Variants in TXNRD2 observed in about 807,000 individuals in gnomAD.
TXNRD2 encodes thioredoxin reductase 2, mitochondrial.
A neutral mutation model predicts 70.8 loss-of-function variants in TXNRD2; 67 were observed. That is an observed-to-expected ratio of 0.95 (90% CI 0.78 to 1.16). The LOEUF is 1.16. Ranked by LOEUF, TXNRD2 falls within the 50% of genes most tolerant of loss-of-function variation. TXNRD2 has a pLI of 0.00. For synonymous variants in TXNRD2, 301 were observed against 295.8 expected, an observed-to-expected ratio of 1.02 and a Z score of -0.18; for missense variants, 644 against 719.9, an observed-to-expected ratio of 0.89 and a Z score of 1.21.
intron 11 of TXNRD2, chr22:19,887,240 G>A (rs574516470): frequency 6.6e-6 from 1 of 152,316 alleles, no homozygotes; most frequent in South Asian, 2.1e-4. Flanking sequence ...AAACGACAAG[G>A]GCATTAAAAT....
chr22:19,900,651 G>A (rs1413530111), intron 8 of TXNRD2, among the ~76,000 whole-genome samples: 2 of 151,982 alleles, frequency 1.3e-5, no homozygotes, highest in Non-Finnish European at 2.9e-5. Context: ...TGGGGAGGCC[G>A]AGACAGGAGA....
chr22:19,933,775 C>T (rs1222020761), intron 1 of TXNRD2, among the ~76,000 whole-genome samples: 1 of 152,200 alleles, frequency 6.6e-6, no homozygotes, highest in Non-Finnish European at 1.5e-5. Flanking sequence ...GGCTGGGTGG[C>T]AGGCGTTACC....
At chr22:19,916,210 A>G (rs4819850) in intron 5 of TXNRD2, 196,821 of 310,690 alleles carry the variant, frequency 0.63, 64,315 homozygotes, top group East Asian at 0.92. Context: ...TGTGGTGCCC[A>G]CCAGATGGTG....
intron 17 of TXNRD2, chr22:19,876,131 G>A (rs1938496259): frequency 6.6e-6 from 1 of 152,420 alleles, no homozygotes; most frequent in African/African-American, 2.4e-5. Context: ...CGGTGAAGCA[G>A]GGGGCCCTGA....
chr22:19,879,325 T>A (rs1938648894), intron 14 of TXNRD2, among the ~76,000 whole-genome samples: 2 of 152,096 alleles, frequency 1.3e-5, no homozygotes, highest in Non-Finnish European at 2.9e-5. Flanking sequence ...TCTGGGTGCC[T>A]GCAAGCTGCA....
intron 11 of TXNRD2, 101 bp downstream of exon 11, chr22:19,895,306 C>G (rs1232945834): frequency 1.3e-6 from 2 of 1,598,454 alleles, no homozygotes; most frequent in Non-Finnish European, 1.7e-6. Context: ...TGGCAGCCAG[C>G]AGGATGGGGG....
At chr22:19,890,068 G>T (rs984640802) in intron 11 of TXNRD2, among the ~76,000 whole-genome samples, 1 of 152,194 alleles carries the variant, frequency 6.6e-6, no homozygotes, top group Non-Finnish European at 1.5e-5. Flanking sequence ...CAAGCCAAGC[G>T]TGGGGCACCA....
At chr22:19,883,277 G>C (rs1938865168) in intron 12 of TXNRD2, 48 bp downstream of exon 12, 1 of 1,604,372 alleles carries the variant, frequency 6.2e-7, no homozygotes, top group African/African-American at 1.3e-5. Flanking sequence ...AGCAGGGGTG[G>C]TGGAGCAGGC....
chr22:19,914,690 G>T (rs1343308864), intron 7 of TXNRD2, among the ~76,000 whole-genome samples: 1 of 152,160 alleles, frequency 6.6e-6, no homozygotes, highest in Non-Finnish European at 1.5e-5. Flanking sequence ...TTCAGTTCAG[G>T]GATGATGGAA....
intron 5 of TXNRD2, 198 bp from the exon 6 acceptor site, chr22:19,916,041 G>A: frequency 3.4e-6 from 2 of 579,850 alleles, no homozygotes. Flanking sequence ...CTGTCCCCCA[G>A]GGATCCCAGG....
intron 2 of TXNRD2, among the ~76,000 whole-genome samples, chr22:19,922,753 C>G (rs1645549616): frequency 6.6e-6 from 1 of 152,102 alleles, no homozygotes. Flanking sequence ...GTGGCGTGAT[C>G]TTGGCTCACT....
intron 12 of TXNRD2, chr22:19,881,409 C>T (rs1048768403): frequency 7.1e-5 from 17 of 241,106 alleles, no homozygotes; most frequent in African/African-American, 2.5e-4. Flanking sequence ...CGGCGGGCGG[C>T]GCACAGCACA....
chr22:19,916,780 A>C (rs996294885), intron 5 of TXNRD2, among the ~76,000 whole-genome samples: 3 of 147,476 alleles, frequency 2.0e-5, no homozygotes, highest in Non-Finnish European at 1.5e-5. Flanking sequence ...AGTTCATTTT[A>C]TTTTTTGTAG....
intron 2 of TXNRD2, among the ~76,000 whole-genome samples, chr22:19,920,829 G>A (rs1257228321): frequency 6.6e-6 from 1 of 152,190 alleles, no homozygotes; most frequent in Non-Finnish European, 1.5e-5. Flanking sequence ...TTGGCTGGGT[G>A]CAGCGGCTCA....
Position 19,918,870 on chromosome 22 carries a change from G to T in TXNRD2, c.364C>A (p.Pro122Thr). The change falls in exon 4 of 18, where the codon CCG (proline) becomes ACG (threonine). Residue 122 changes from proline (P) to threonine (T), a missense_variant. Pro to Thr is a conservative substitution (Grantham distance 38). Around this residue, in one of 3 missense-constraint regions of TXNRD2, gnomAD observed 566 missense variants for 645.0 expected, o/e 0.88. Coordinates refer to ENST00000400521, the MANE Select transcript of TXNRD2 (RefSeq NM_006440.5). Reference protein sequence around the residue: ...NYGWEVAQPVPHDWRKMAEAV... With the variant: ...NYGWEVAQPVTHDWRKMAEAV... ...GCGCCAGATCCTTACCAGTCATGCGGCACGGGCTGGGCCACCTCCCAGCCA... is the reference window on the plus strand; with the variant it reads ...GCGCCAGATCCTTACCAGTCATGCGTCACGGGCTGGGCCACCTCCCAGCCA... The T allele has an allele frequency of 1.2e-6, 2 of 1,608,770 alleles. No individual in the cohort carries two copies. The highest frequency in any genetic ancestry group is 3.3e-4 in the Middle Eastern group (2 of 6,032).
Position 19,878,436 on chromosome 22 carries a change from A to G in TXNRD2, c.1277T>C (p.Val426Ala), listed in dbSNP as rs750082467. ...CAGTGGTTTATAATGGGCGTGATAG[A>G]CCTGAGGACAGGATACCAACCCTGG... ...VARHGQEHVEVYHAHYKPLEF... is the reference protein window; with the variant it reads ...VARHGQEHVEAYHAHYKPLEF... The change falls in exon 15 of 18, where the codon GTC becomes GCC. Residue 426 changes from valine (V) to alanine (A), a missense_variant and splice_region_variant. Val to Ala is a moderately conservative substitution (Grantham distance 64, BLOSUM62 0). Around this residue, in one of 3 missense-constraint regions of TXNRD2, gnomAD observed 566 missense variants for 645.0 expected, o/e 0.88. Transcript: ENST00000400521. 1.2e-6 allele frequency: 2 copies of G among 1,613,512 alleles called. No homozygotes were observed. The highest frequency in any genetic ancestry group is 2.2e-5 in the South Asian group (2 of 91,084).
Position 19,931,018 on chromosome 22 carries a change from C to T in TXNRD2, c.172+12G>A, listed in dbSNP as rs775588476. 6 of 1,613,262 alleles carry T rather than the reference C, an allele frequency of 3.7e-6. No homozygotes were observed. The Admixed American group carries it at 6.7e-5, about 18-fold the overall frequency. On this transcript the variant is annotated intron_variant, in intron 2 of 17. Transcript: ENST00000400521. ...CTTCGAGGCCTTGCCACGAAGTATA[C>T]AGAATACATACCCTCCTTGGCACAA...
At chr22:19,909,516 A>ACT (rs1051559484) in intron 8 of TXNRD2, among the ~76,000 whole-genome samples, 1 of 135,036 alleles carries the variant, frequency 7.4e-6, no homozygotes, top group Non-Finnish European at 1.6e-5. Flanking sequence ...CACACACACC[A>ACT]CTCACACACA....
rs760212575 is a variant in TXNRD2 at position 19,918,205 on chromosome 22, T to G, written c.387A>C (p.Ala129=). Reference sequence around the variant, plus strand: ...ATTTCACGTGATTTTGAACAGCTTCTGCCATCTTCCTCCTGTGAAGATACG... The same window carrying G: ...ATTTCACGTGATTTTGAACAGCTTCGGCCATCTTCCTCCTGTGAAGATACG... ...QPVPHDWRKM[A]EAVQNHVKSL... Residue 129 remains alanine, a synonymous_variant, in exon 5 of 18, where the codon GCA becomes GCC. Coordinates refer to ENST00000400521, the MANE Select transcript of TXNRD2 (RefSeq NM_006440.5). The G allele has an allele frequency of 6.2e-7, 1 of 1,614,210 alleles. No individual in the cohort carries two copies. Among genetic ancestry groups the G allele is most frequent in the Non-Finnish European group, 8.5e-7 (1 of 1,180,022 alleles).
Sources: allele counts gnomAD v4.1 joint callset (sites outside exome capture counted in the v4.1 genomes callset), GRCh38; gene constraint gnomAD v4.1.1; regional missense constraint gnomAD v4.1.1; transcripts MANE v1.5; gene names NCBI Gene and HGNC (gene_info 2026-07-23, HGNC 2026-07-21).